Variants in LTBP1 observed in about 807,000 individuals in gnomAD.
LTBP1 encodes the protein latent-transforming growth factor beta-binding protein 1.
LTBP1 carries 129 observed loss-of-function variants against 207.6 expected under a neutral mutation model. That is an observed-to-expected ratio of 0.62 (90% confidence interval 0.54 to 0.72). The LOEUF (loss-of-function observed/expected upper bound fraction) is 0.72, where lower values mean the gene tolerates loss of function less well. LTBP1 is among the 30% of genes least tolerant of loss of function. LTBP1 has a pLI of 0.00. For synonymous variants in LTBP1, 963 were observed against 833.7 expected, an observed-to-expected ratio of 1.16 and a Z score of -2.67; for missense variants, 2,281 against 2,217.2, an observed-to-expected ratio of 1.03 and a Z score of -0.58.
intron 24 of LTBP1, among the ~76,000 whole-genome samples, chr2:33,324,469 C>T (rs985471866): frequency 6.6e-6 from 1 of 151,762 alleles, no homozygotes; most frequent in Non-Finnish European, 1.5e-5. Context: ...CAGGCACCCA[C>T]GGGGGATTTT....
chr2:33,270,882 A>C (rs73927064), intron 15 of LTBP1, among the ~76,000 whole-genome samples: 6,119 of 152,232 alleles, frequency 0.04, 419 homozygotes, highest in African/African-American at 0.13. Flanking sequence ...ACTAAAAATC[A>C]ACAAACATTT....
At chr2:33,229,329 G>T (rs1402531749) in intron 9 of LTBP1, among the ~76,000 whole-genome samples, 1 of 151,974 alleles carries the variant, frequency 6.6e-6, no homozygotes, top group Non-Finnish European at 1.5e-5. Flanking sequence ...ATAAAAATTT[G>T]CTGGGTGTGG....
chr2:33,271,573 C>G (rs1039105262), intron 15 of LTBP1, among the ~76,000 whole-genome samples: 1 of 151,268 alleles, frequency 6.6e-6, no homozygotes. Flanking sequence ...TAGGTACATA[C>G]AAGTTATATT....
rs1203281351 is a variant in LTBP1, at chr2:33,398,888, G to GA, written c.*343_*344insA. On this transcript the variant is annotated 3_prime_UTR_variant, in exon 34 of 34. Coordinates refer to ENST00000404816, the MANE Select transcript of LTBP1 (RefSeq NM_206943.4). Reference sequence around the variant, plus strand: ...TGATTAAATTTGGCATTTAAATAGTGGTGGAAATATTTTATATAATTTTCA... The same window carrying GA: ...TGATTAAATTTGGCATTTAAATAGTGAGTGGAAATATTTTATATAATTTTCA... 1 of 163,322 alleles carries GA rather than the reference G, an allele frequency of 6.1e-6. No individual in the cohort carries two copies. Among genetic ancestry groups the GA allele is most frequent in the Non-Finnish European group, 1.3e-5 (1 of 75,506 alleles). 10.1% of individuals were successfully genotyped at this position (163,322 alleles called of 1,614,324 possible).
chr2:33,281,543 G>A (rs987835422), intron 19 of LTBP1, among the ~76,000 whole-genome samples: 1 of 152,146 alleles, frequency 6.6e-6, no homozygotes, highest in African/African-American at 2.4e-5. Flanking sequence ...ATAGCCCTGG[G>A]AAGACATTTA....
rs115846622 is a variant in LTBP1, at chr2:33,109,739, G to T, written c.864-843G>T. Among the ~76,000 whole-genome samples the T allele has an allele frequency of 2.8e-3, 423 of 152,230 alleles. 2 individuals are homozygous for T. Among genetic ancestry groups the T allele is most frequent in the African/African-American group, 9.7e-3 (405 of 41,542 alleles). ...CATAAAAAATTGTTTCCCTAAAGCG[G>T]CATCGTAATTTATATTTCAAAAGGA... On this transcript the variant is annotated intron_variant, in intron 3 of 33. Coordinates refer to ENST00000404816, the MANE Select transcript of LTBP1 (RefSeq NM_206943.4).
At chr2:33,313,018 G>T (rs1391961876) in intron 23 of LTBP1, among the ~76,000 whole-genome samples, 1 of 152,136 alleles carries the variant, frequency 6.6e-6, no homozygotes, top group Admixed American at 6.5e-5. Flanking sequence ...CCAAAAGGAG[G>T]TCAAACTTCA....
chr2:33,169,867 GAT>G (rs2085260387), intron 5 of LTBP1, among the ~76,000 whole-genome samples: 1 of 152,196 alleles, frequency 6.6e-6, no homozygotes, highest in South Asian at 2.1e-4. Context: ...GCAGTAAACA[GAT>G]ATGTGGGGAA....
chr2:33,150,550 A>G (rs2083425787), intron 5 of LTBP1, among the ~76,000 whole-genome samples: 2 of 151,954 alleles, frequency 1.3e-5, no homozygotes, highest in African/African-American at 4.8e-5. Context: ...TATACCCATT[A>G]AGTAAAAATT....
chr2:33,307,692 G>C (rs536431518), intron 22 of LTBP1, among the ~76,000 whole-genome samples: 1 of 152,248 alleles, frequency 6.6e-6, no homozygotes, highest in South Asian at 2.1e-4. Context: ...AGTAAAGCTA[G>C]AAAAACACAT....
At chr2:33,326,592 C>T (rs1300517159) in intron 24 of LTBP1, among the ~76,000 whole-genome samples, 7 of 150,694 alleles carry the variant, frequency 4.6e-5, no homozygotes, top group Non-Finnish European at 5.9e-5. Context: ...ATACATTTAC[C>T]CTGCTTTTTT....
chr2:33,121,486 C>T (rs903913318), intron 4 of LTBP1, among the ~76,000 whole-genome samples: 3 of 152,036 alleles, frequency 2.0e-5, no homozygotes, highest in Non-Finnish European at 4.4e-5. Context: ...TCTTCCCTAA[C>T]GAGGCCTGGA....
At chr2:33,064,298 C>T (rs1315395541) in intron 3 of LTBP1, among the ~76,000 whole-genome samples, 2 of 152,152 alleles carry the variant, frequency 1.3e-5, no homozygotes, top group Admixed American at 6.5e-5. Context: ...AGTCTGGTAA[C>T]CTCAAACTCA....
chr2:33,120,068 A>G (rs931965559), intron 4 of LTBP1, among the ~76,000 whole-genome samples: 1 of 150,632 alleles, frequency 6.6e-6, no homozygotes, highest in Non-Finnish European at 1.5e-5. Context: ...AGGTAGTTGC[A>G]GTATGGTTAT....
intron 4 of LTBP1, among the ~76,000 whole-genome samples, chr2:33,124,043 A>G (rs999336214): frequency 6.6e-6 from 1 of 152,234 alleles, no homozygotes; most frequent in Non-Finnish European, 1.5e-5. Flanking sequence ...GACTTTTAAC[A>G]CAATAACATG....
At position 33,230,043 on chromosome 2, in the gene LTBP1, C is replaced by A. The variant is rs531812431; in HGVS notation, c.1876+7892C>A. ...ATATTGATGGTCAGTAAAATGAAAT[C>A]GAACTTGCTCACATTACATATGTAC... On this transcript the variant is annotated intron_variant, in intron 9 of 33. Coordinates refer to ENST00000404816, the MANE Select transcript of LTBP1 (RefSeq NM_206943.4). Among the ~76,000 whole-genome samples the A allele has an allele frequency of 3.9e-5, 6 of 152,258 alleles. No homozygotes were observed. In the East Asian group the frequency reaches 1.2e-3, roughly 29 times the overall value.
At chr2:33,393,241 T>C (rs1215631371) in intron 32 of LTBP1, among the ~76,000 whole-genome samples, 1 of 147,438 alleles carries the variant, frequency 6.8e-6, no homozygotes, top group East Asian at 1.9e-4. Context: ...CTTCTTTTTT[T>C]TTTTTTTTTT....
At chr2:33,307,535 G>A (rs1007493504) in intron 22 of LTBP1, among the ~76,000 whole-genome samples, 1 of 152,194 alleles carries the variant, frequency 6.6e-6, no homozygotes, top group Non-Finnish European at 1.5e-5. Context: ...AAGCCCCAAA[G>A]CACAAAAGGA....
chr2:33,064,960 G>A (rs1287085866), intron 3 of LTBP1, among the ~76,000 whole-genome samples: 3 of 152,154 alleles, frequency 2.0e-5, no homozygotes, highest in Admixed American at 6.5e-5. Context: ...GGTGACAGTG[G>A]TCATCTTTGC....
Sources: allele counts gnomAD v4.1 joint callset (sites outside exome capture counted in the v4.1 genomes callset), GRCh38; gene constraint gnomAD v4.1.1; transcripts MANE v1.5; gene names NCBI Gene and HGNC (gene_info 2026-07-23, HGNC 2026-07-21).